ZC3H4: variants seen among roughly 807,000 people sequenced by gnomAD.
ZC3H4 encodes zinc finger CCCH-type containing 4.
Under a neutral mutation model 108.3 loss-of-function variants are expected in ZC3H4, and 13 were observed. The ratio of observed to expected loss-of-function variants is 0.12; its 90% confidence interval spans 0.08 to 0.19. The LOEUF is 0.19. Ranked by LOEUF, ZC3H4 falls within the 10% of genes least tolerant of loss-of-function variation. ZC3H4 has a pLI of 1.00. For synonymous variants in ZC3H4, 917 were observed against 749.6 expected, an observed-to-expected ratio of 1.22 and a Z score of -3.65; for missense variants, 1,734 against 1,838.8, an observed-to-expected ratio of 0.94 and a Z score of 1.04.
chr19:47,085,204 G>A lies in ZC3H4; in HGVS notation c.968-9C>T, dbSNP rs201607959. The A allele has an allele frequency of 4.6e-5, 73 of 1,597,564 alleles. 1 individual carries two copies. In the East Asian group the frequency reaches 1.6e-3, roughly 35 times the overall value. Reference sequence around the variant, plus strand: ...ACGGCCTCGACTTAGCCCTGTGGAGGGGAGATTGTGTGAAGACCTGCTGAC... The same window carrying A: ...ACGGCCTCGACTTAGCCCTGTGGAGAGGAGATTGTGTGAAGACCTGCTGAC... On this transcript the variant is annotated splice_polypyrimidine_tract_variant and intron_variant, in intron 7 of 14. Transcript: ENST00000253048.
At chr19:47,086,560 G>A in intron 5 of ZC3H4, 22 bp from the exon 6 acceptor site, 5 of 1,563,186 alleles carry the variant, frequency 3.2e-6, no homozygotes, top group Non-Finnish European at 4.3e-6. Context: ...TTCAGATAGT[G>A]AGCCTCCAGC....
chr19:47,070,701 A>C (rs2057310721), intron 13 of ZC3H4, among the ~76,000 whole-genome samples: 1 of 152,188 alleles, frequency 6.6e-6, no homozygotes, highest in Non-Finnish European at 1.5e-5. Context: ...GCCCACGTTC[A>C]CATTTTGATC....
intron 4 of ZC3H4, 166 bp downstream of exon 4, chr19:47,093,804 G>T (rs2057776359): frequency 1.9e-6 from 1 of 530,500 alleles, no homozygotes; most frequent in Non-Finnish European, 3.2e-6. Context: ...TGTTGAAATT[G>T]TCTAAGTTTC....
chr19:47,095,532 A>G (rs2057806963), intron 2 of ZC3H4, among the ~76,000 whole-genome samples: 1 of 151,278 alleles, frequency 6.6e-6, no homozygotes, highest in Admixed American at 6.6e-5. Flanking sequence ...CCCATCCTAC[A>G]CTCTTCCAAT....
In ZC3H4 at chr19:47,069,443, GAGA is replaced by G. The variant is rs1447369597; in HGVS notation, c.2147-103_2147-101del. 1.6e-5 allele frequency: 23 copies of G among 1,448,854 alleles called. No homozygotes were observed. The South Asian group carries it at 2.5e-4, about 16-fold the overall frequency. The allele number at this position is 1,448,854 out of a possible 1,614,324, so 89.7% of individuals were successfully genotyped here. Reference sequence around the variant, plus strand: ...CTGCAAACCCACACCGATGGCGATGGAGAAGGACGCACAGCCTGCCCCTGCCTG... The same window carrying G: ...CTGCAAACCCACACCGATGGCGATGGAGGACGCACAGCCTGCCCCTGCCTG... On this transcript the variant is annotated intron_variant, in intron 13 of 14. Coordinates refer to ENST00000253048, the MANE Select transcript of ZC3H4 (RefSeq NM_015168.2).
rs392366 is a variant in ZC3H4 at position 47,071,986 on chromosome 19, T to A, written c.1938A>T (p.Ala646=). 12 of 1,578,942 alleles carry A rather than the reference T, an allele frequency of 7.6e-6. No homozygotes were observed. Among genetic ancestry groups the A allele is most frequent in the African/African-American group, 2.7e-5 (2 of 74,394 alleles). The change falls in exon 13 of 15, where the codon GCA becomes GCT. Residue 646 remains alanine, a synonymous_variant. Coordinates refer to ENST00000253048, the MANE Select transcript of ZC3H4 (RefSeq NM_015168.2). ...CCATCGGCATGTCTGCGTGCATGTC[T>A]GCGTGCATGTCAGGGTGCATGTCCG... ...MHPDMHPDMH[A]DMHADMPMGP...
chr19:47,078,882 C>T (rs1243653797), intron 11 of ZC3H4, among the ~76,000 whole-genome samples: 1 of 151,574 alleles, frequency 6.6e-6, no homozygotes, highest in Non-Finnish European at 1.5e-5. Context: ...CAAAAATTAG[C>T]CGGGTGTGGT....
chr19:47,088,336 G>A (rs562172974), intron 5 of ZC3H4, among the ~76,000 whole-genome samples: 67 of 150,894 alleles, frequency 4.4e-4, no homozygotes, highest in African/African-American at 1.3e-3. Flanking sequence ...TCACGAGGTC[G>A]AGAGATCGAG....
At position 47,066,416 on chromosome 19, in the gene ZC3H4, C is replaced by T. The variant is rs780506662; in HGVS notation, c.3852G>A (p.Ala1284=). The T allele has an allele frequency of 8.8e-5, 139 of 1,571,524 alleles. No individual in the cohort carries two copies. The highest frequency in any genetic ancestry group is 1.8e-4 in the Middle Eastern group (1 of 5,514). The change falls in exon 15 of 15, where the codon GCG becomes GCA. Residue 1284 remains alanine, a synonymous_variant. Transcript: ENST00000253048. Reference sequence around the variant, plus strand: ...CTTTAAAAACATCCTTCAGGGATGCCGCATCCTGCTCACCCTCGCGGGCCG... The same window carrying T: ...CTTTAAAAACATCCTTCAGGGATGCTGCATCCTGCTCACCCTCGCGGGCCG... ...NSPAREGEQD[A]ASLKDVFKGF...
intron 2 of ZC3H4, among the ~76,000 whole-genome samples, chr19:47,098,805 T>A (rs146563203): frequency 6.6e-6 from 1 of 152,160 alleles, no homozygotes; most frequent in African/African-American, 2.4e-5. Context: ...ATGTCCAAAG[T>A]AGACATGATA....
Position 47,094,004 on chromosome 19 carries a change from C to A in ZC3H4, c.458G>T (p.Arg153Leu). Residue 153 changes from arginine to leucine, a missense_variant, in exon 4 of 15, where the codon CGC (arginine) becomes CTC (leucine). Around this residue, in one of 9 missense-constraint regions of ZC3H4, gnomAD observed 403 missense variants for 457.0 expected, o/e 0.88. Transcript: ENST00000253048. ...SDFSPSEKGH[R>L]KYREYSPPYA... ...TGGGGGGCTGTACTCTCTGTACTTG[C>A]GGTGACCTTTCTCACTGGGGCTGAA... 6.2e-7 allele frequency: 1 copy of A among 1,614,162 alleles called. No homozygotes were observed. The highest frequency in any genetic ancestry group is 8.5e-7 in the Non-Finnish European group (1 of 1,180,018).
chr19:47,083,427 A>G (rs1030281182), intron 9 of ZC3H4, among the ~76,000 whole-genome samples: 4 of 152,168 alleles, frequency 2.6e-5, no homozygotes, highest in Non-Finnish European at 2.9e-5. Context: ...AATTGTAACT[A>G]AATAAGAAAT....
At chr19:47,088,532 G>C (rs535436630) in intron 5 of ZC3H4, among the ~76,000 whole-genome samples, 2 of 151,374 alleles carry the variant, frequency 1.3e-5, no homozygotes, top group Admixed American at 1.3e-4. Context: ...TGGGCAAAAA[G>C]TGAAACTCTG....
In ZC3H4 at chr19:47,067,676, G is replaced by A. The variant is rs201945802; in HGVS notation, c.2592C>T (p.Leu864=). Residue 864 remains leucine, a synonymous_variant, in exon 15 of 15, where the codon CTC becomes CTT. Coordinates refer to ENST00000253048, the MANE Select transcript of ZC3H4 (RefSeq NM_015168.2). This position sits in a 1 kb window ranked among gnomAD's most constrained non-coding sequence, Gnocchi z 6.4. ...PTGSRLADPR[L]SRDPRLTRHV... is the part of the protein sequence containing the mutation. ...GGCGGGTGAGTCTGGGGTCCCGGCTGAGGCGAGGGTCAGCCAGCCGGCTTC... is the reference window on the plus strand; with the variant it reads ...GGCGGGTGAGTCTGGGGTCCCGGCTAAGGCGAGGGTCAGCCAGCCGGCTTC... 2.2e-4 allele frequency: 357 copies of A among 1,600,554 alleles called. No homozygotes were observed. The African/African-American group carries it at 4.4e-3, about 20-fold the overall frequency.
Position 47,067,467 on chromosome 19 carries a change from T to C in ZC3H4, c.2801A>G (p.Glu934Gly), listed in dbSNP as rs1464068336. Residue 934 changes from glutamate (E) to glycine (G), a missense_variant, in exon 15 of 15, where the codon GAG (glutamate) becomes GGG (glycine). Glu to Gly is a moderately conservative substitution (Grantham distance 98, BLOSUM62 -2). Around this residue, in one of 9 missense-constraint regions of ZC3H4, gnomAD observed 540 missense variants for 484.1 expected, o/e 1.12. Coordinates refer to ENST00000253048, the MANE Select transcript of ZC3H4 (RefSeq NM_015168.2). This position sits in a 1 kb window ranked among gnomAD's most constrained non-coding sequence, Gnocchi z 6.4. ...EEEEGERALR[E>G]KAVNIPLDPL... ...GTCCAGGGGAATGTTCACGGCCTTC[T>C]CCCGCAGGGCCCGCTCCCCTTCCTC... is the stretch of plus-strand genomic sequence containing the variant. 1 of 1,583,708 alleles carries C rather than the reference T, an allele frequency of 6.3e-7. No homozygotes were observed. The highest frequency in any genetic ancestry group is 1.8e-5 in the Admixed American group (1 of 56,614).
chr19:47,072,569 G>C lies in ZC3H4; in HGVS notation c.1585C>G (p.Pro529Ala), dbSNP rs2057350570. ...ATGGGCCTGCCGTTGGGAGAGGTTG[G>C]AGCCTGCGGGCCAGGGGGCCGAGGA... ...TPPRPPGPQAPTSPNGRPMQG... is the reference protein window; with the variant it reads ...TPPRPPGPQAATSPNGRPMQG... Residue 529 changes from proline (P) to alanine (A), a missense_variant, in exon 12 of 15, where the codon CCA becomes GCA. Transcript: ENST00000253048. This position sits in a 1 kb window ranked among gnomAD's most constrained non-coding sequence, Gnocchi z 5.6. The C allele has an allele frequency of 4.5e-6, 7 of 1,566,958 alleles. No homozygotes were observed. The highest frequency in any genetic ancestry group is 6.0e-6 in the Non-Finnish European group (7 of 1,159,154).
chr19:47,085,530 T>C (rs2122885801), intron 6 of ZC3H4, 116 bp from the exon 7 acceptor site: 2 of 923,096 alleles, frequency 2.2e-6, no homozygotes, highest in East Asian at 5.1e-5. Flanking sequence ...ACTCATACCA[T>C]AACCCGTTTC....
chr19:47,093,032 C>T (rs1042076403), intron 4 of ZC3H4, among the ~76,000 whole-genome samples: 9 of 151,436 alleles, frequency 5.9e-5, no homozygotes, highest in African/African-American at 1.2e-4. Context: ...CTGGCTAAGA[C>T]GGTGAAATCC....
intron 2 of ZC3H4, among the ~76,000 whole-genome samples, chr19:47,099,075 G>A (rs548803523): frequency 4.6e-4 from 70 of 152,298 alleles, no homozygotes; most frequent in African/African-American, 1.7e-3. Flanking sequence ...AGCAGCTGTT[G>A]GTTTTAAAAA....
Sources: gnomAD v4.1 joint callset for allele counts (sites outside exome capture counted in the v4.1 genomes callset) on GRCh38, gnomAD v4.1.1 for gene constraint, gnomAD v4.1.1 regional missense constraint, Gnocchi (gnomAD v3.1) non-coding constraint, MANE v1.5 for transcripts, NCBI Gene and HGNC (gene_info 2026-07-23, HGNC 2026-07-21) for gene names.